The following PABPC4L variants were observed in gnomAD, a reference collection of about 807,000 sequenced individuals.
PABPC4L encodes poly(A) binding protein cytoplasmic 4 like.
For synonymous variants in PABPC4L, 169 were observed against 164.1 expected (o/e 1.03, Z -0.23); for missense variants, 452 against 451.4 (o/e 1.00, Z -0.01).
At chr4:134,049,925 T>C in the PABPC4L span, among the ~76,000 whole-genome samples, 1 of 152,104 alleles carries the variant, frequency 6.6e-6, no homozygotes, top group African/African-American at 2.4e-5. Context: ...TGCAGAGAAG[T>C]CACCCTAGTA....
At chr4:134,107,154 A>G in the PABPC4L span, among the ~76,000 whole-genome samples, 125 of 151,286 alleles carry the variant, frequency 8.3e-4, 1 homozygote, top group African/African-American at 2.6e-3. Flanking sequence ...CACAGAGCTA[A>G]AACGATTTAC....
the PABPC4L span, among the ~76,000 whole-genome samples, chr4:134,036,852 T>C: frequency 6.6e-6 from 1 of 151,998 alleles, no homozygotes; most frequent in Non-Finnish European, 1.5e-5. Context: ...TGTCAGGAGT[T>C]CGAGACCAGC....
the PABPC4L span, among the ~76,000 whole-genome samples, chr4:134,015,524 C>A: frequency 6.6e-6 from 1 of 152,174 alleles, no homozygotes; most frequent in Non-Finnish European, 1.5e-5. Flanking sequence ...CTGGGCTGTA[C>A]TGCTGCAAGG....
the PABPC4L span, among the ~76,000 whole-genome samples, chr4:133,962,090 T>G: frequency 6.6e-6 from 1 of 152,190 alleles, no homozygotes; most frequent in Non-Finnish European, 1.5e-5. Flanking sequence ...GAGAGAGTTC[T>G]ACATCAAGGG....
chr4:134,190,042 GGGAA>G, the PABPC4L span, among the ~76,000 whole-genome samples: 1 of 152,136 alleles, frequency 6.6e-6, no homozygotes, highest in African/African-American at 2.4e-5. Flanking sequence ...ACAAAAGTGT[GGGAA>G]CCCCCAAGGA....
the PABPC4L span, among the ~76,000 whole-genome samples, chr4:134,170,773 A>G: frequency 6.6e-6 from 1 of 152,154 alleles, no homozygotes; most frequent in East Asian, 1.9e-4. Context: ...AGGGACTACA[A>G]TTCAACATGA....
the PABPC4L span, among the ~76,000 whole-genome samples, chr4:134,177,661 A>T: frequency 1.4e-4 from 22 of 152,014 alleles, no homozygotes; most frequent in African/African-American, 5.1e-4. Flanking sequence ...CACAACTTCT[A>T]TGTGAACTCA....
At chr4:134,153,416 C>A in the PABPC4L span, among the ~76,000 whole-genome samples, 1 of 151,750 alleles carries the variant, frequency 6.6e-6, no homozygotes, top group African/African-American at 2.4e-5. Context: ...ATGCAAATGT[C>A]CATAAAGGTT....
At position 134,200,681 on chromosome 4, in the gene PABPC4L, G is replaced by A; in HGVS notation, c.339C>T (p.Thr113=). The change falls in exon 2 of 2, where the codon ACC becomes ACT. Residue 113 remains threonine (T), a synonymous_variant. Coordinates refer to ENST00000421491, the MANE Select transcript of PABPC4L (RefSeq NM_001114734.2). ...CAAAAGCTGAAAAATGTTCATAAAG[G>A]GTTTTGTTATCGATAGATTTGTCCA... The part of the protein sequence containing the change: ...KNLDKSIDNK[T]LYEHFSAFGK... 1.9e-6 allele frequency: 3 copies of A among 1,551,584 alleles called. No individual in the cohort carries two copies. Among genetic ancestry groups the A allele is most frequent in the Non-Finnish European group, 2.6e-6 (3 of 1,146,964 alleles).
At chr4:134,110,169 T>C in the PABPC4L span, among the ~76,000 whole-genome samples, 1 of 151,800 alleles carries the variant, frequency 6.6e-6, no homozygotes, top group African/African-American at 2.4e-5. Flanking sequence ...AAATCAATGG[T>C]GGGCAATAAA....
the PABPC4L span, among the ~76,000 whole-genome samples, chr4:133,964,525 T>C: frequency 1.9e-3 from 291 of 151,480 alleles, no homozygotes; most frequent in Middle Eastern, 6.8e-3. Context: ...AAAAAGAAAA[T>C]TACAAACCCA....
At chr4:134,023,179 C>G in the PABPC4L span, among the ~76,000 whole-genome samples, 1 of 152,068 alleles carries the variant, frequency 6.6e-6, no homozygotes, top group South Asian at 2.1e-4. Context: ...AAGATTTAGG[C>G]AAGCTGTTCT....
the PABPC4L span, among the ~76,000 whole-genome samples, chr4:133,968,655 A>G: frequency 1.3e-5 from 2 of 152,202 alleles, no homozygotes; most frequent in African/African-American, 4.8e-5. Flanking sequence ...GCACTATAGT[A>G]AACGGATAAC....
chr4:134,061,264 A>T, the PABPC4L span, among the ~76,000 whole-genome samples: 2 of 151,610 alleles, frequency 1.3e-5, no homozygotes, highest in African/African-American at 4.8e-5. Flanking sequence ...ATGAGTGTTT[A>T]AAAAAAACCA....
At chr4:133,962,574 A>G in the PABPC4L span, among the ~76,000 whole-genome samples, 1 of 152,234 alleles carries the variant, frequency 6.6e-6, no homozygotes, top group African/African-American at 2.4e-5. Flanking sequence ...AACCCAATCC[A>G]GAAGCACCAG....
At chr4:134,059,878 C>T in the PABPC4L span, among the ~76,000 whole-genome samples, 1 of 151,960 alleles carries the variant, frequency 6.6e-6, no homozygotes, top group Non-Finnish European at 1.5e-5. Context: ...TCATAAGAAC[C>T]AAAAATTAAG....
At chr4:134,029,801 G>C in the PABPC4L span, among the ~76,000 whole-genome samples, 3 of 151,768 alleles carry the variant, frequency 2.0e-5, no homozygotes, top group South Asian at 4.2e-4. Context: ...GAGGTGATAT[G>C]GCTGTGTTCC....
At chr4:133,958,542 A>G in the PABPC4L span, among the ~76,000 whole-genome samples, 2 of 152,314 alleles carry the variant, frequency 1.3e-5, no homozygotes, top group East Asian at 3.9e-4. Flanking sequence ...AGTTTACCAT[A>G]TTAATCCATT....
the PABPC4L span, among the ~76,000 whole-genome samples, chr4:134,085,581 T>G: frequency 3.3e-5 from 5 of 152,148 alleles, no homozygotes; most frequent in African/African-American, 1.2e-4. Flanking sequence ...GTCACTATCG[T>G]TCTCCCCTCC....
Sources: gnomAD v4.1 joint callset for allele counts (sites outside exome capture counted in the v4.1 genomes callset) on GRCh38, gnomAD v4.1.1 for gene constraint, MANE v1.5 for transcripts, NCBI Gene and HGNC (gene_info 2026-07-23, HGNC 2026-07-21) for gene names.